LINGO2: variants seen among roughly 807,000 people sequenced by gnomAD.
The protein encoded by LINGO2 is leucine-rich repeat and immunoglobulin-like domain-containing nogo receptor-interacting protein 2.
A neutral mutation model predicts 30.6 loss-of-function variants in LINGO2; 14 were observed. The observed-to-expected ratio is 0.46, with a 90% CI of 0.30 to 0.72. The LOEUF (loss-of-function observed/expected upper bound fraction) is 0.72. Ranked by LOEUF, LINGO2 falls within the 30% of genes least tolerant of loss-of-function variation. LINGO2 has a pLI of 0.07. For synonymous variants in LINGO2, 317 were observed against 288.5 expected (o/e 1.10, Z -1.00); for missense variants, 729 against 751.7 (o/e 0.97, Z 0.35).
At chr9:28,283,419 T>C (rs1036080854) in intron 4 of LINGO2, among the ~76,000 whole-genome samples, 2 of 152,138 alleles carry the variant, frequency 1.3e-5, no homozygotes, top group Non-Finnish European at 2.9e-5. Context: ...GGATTTTAAG[T>C]CCTAAGCTGC....
chr9:28,804,564 CA>C, the LINGO2 span, among the ~76,000 whole-genome samples: 1,039 of 127,834 alleles, frequency 8.1e-3, 14 homozygotes, highest in African/African-American at 0.025. Flanking sequence ...AAAACAAAAA[CA>C]AAAAAAAAAC....
At chr9:27,982,076 A>T (rs1820907591) in intron 5 of LINGO2, among the ~76,000 whole-genome samples, 1 of 151,862 alleles carries the variant, frequency 6.6e-6, no homozygotes, top group Non-Finnish European at 1.5e-5. Flanking sequence ...ATGAAATTTT[A>T]AATTACAGCC....
the LINGO2 span, among the ~76,000 whole-genome samples, chr9:29,180,195 A>G: frequency 4.6e-5 from 7 of 152,194 alleles, no homozygotes; most frequent in Non-Finnish European, 5.9e-5. Context: ...GACAATGGAG[A>G]GCAACAAGAA....
At chr9:28,264,725 T>G (rs909950954) in intron 4 of LINGO2, among the ~76,000 whole-genome samples, 7 of 151,960 alleles carry the variant, frequency 4.6e-5, no homozygotes, top group African/African-American at 1.7e-4. Context: ...CAGCTCTTCA[T>G]CTATAAAATG....
chr9:28,053,159 C>T (rs1341536808), intron 4 of LINGO2, among the ~76,000 whole-genome samples: 2 of 151,956 alleles, frequency 1.3e-5, no homozygotes, highest in African/African-American at 4.8e-5. Flanking sequence ...GACTTGGATT[C>T]AAGGAAATAT....
At chr9:28,127,603 T>C (rs1287605361) in intron 4 of LINGO2, among the ~76,000 whole-genome samples, 1 of 152,208 alleles carries the variant, frequency 6.6e-6, no homozygotes, top group Non-Finnish European at 1.5e-5. Context: ...ACAAGGAACC[T>C]ATGAATAGGG....
chr9:28,202,522 C>G (rs1236995831), intron 4 of LINGO2, among the ~76,000 whole-genome samples: 1 of 152,106 alleles, frequency 6.6e-6, no homozygotes. Context: ...GGTGACAATT[C>G]TTTCCTGGAG....
chr9:28,221,807 T>C (rs1035548306), intron 4 of LINGO2, among the ~76,000 whole-genome samples: 1 of 152,218 alleles, frequency 6.6e-6, no homozygotes, highest in Non-Finnish European at 1.5e-5. Context: ...TTCACTGATA[T>C]ACCAAGTTAT....
At chr9:29,055,934 G>GTATATATATATATATATATATACATATA in the LINGO2 span, among the ~76,000 whole-genome samples, 1 of 67,178 alleles carries the variant, frequency 1.5e-5, no homozygotes, top group Non-Finnish European at 3.5e-5. Flanking sequence ...ATGTGTATGT[G>GTATATATATATATATATATATACATATA]TGTGTGTATA....
rs1825777295 is a variant in LINGO2, at chr9:28,081,649, A to G, written c.-86-69244T>C. Among the ~76,000 whole-genome samples the G allele has an allele frequency of 2.6e-5, 4 of 152,228 alleles. No individual in the cohort carries two copies. In the South Asian group the frequency reaches 8.3e-4, roughly 31 times the overall value. On this transcript the variant is annotated intron_variant, in intron 4 of 5. Coordinates refer to ENST00000379992, the Ensembl canonical transcript of LINGO2. The stretch of plus-strand genomic sequence containing the variant: ...TCTGTTTTAAAATCTCAGCTCTGCT[A>G]CTTACCCGCTGTATGACCTTGGATG...
intron 4 of LINGO2, among the ~76,000 whole-genome samples, chr9:28,286,727 C>T (rs1377202415): frequency 6.6e-6 from 1 of 152,130 alleles, no homozygotes; most frequent in African/African-American, 2.4e-5. Context: ...CCAAACACCT[C>T]ATGTTCTCAC....
intron 4 of LINGO2, among the ~76,000 whole-genome samples, chr9:28,270,007 G>A (rs1822884917): frequency 6.6e-6 from 1 of 152,094 alleles, no homozygotes; most frequent in Non-Finnish European, 1.5e-5. Context: ...ATAAAATCCA[G>A]GCAGGAAAGC....
At chr9:28,502,009 A>C (rs1024448389) in intron 1 of LINGO2, among the ~76,000 whole-genome samples, 1 of 151,924 alleles carries the variant, frequency 6.6e-6, no homozygotes, top group African/African-American at 2.4e-5. Flanking sequence ...AGAAAAAGAA[A>C]AGAAAGGAAG....
the LINGO2 span, among the ~76,000 whole-genome samples, chr9:28,682,999 T>C: frequency 6.6e-6 from 1 of 152,080 alleles, no homozygotes; most frequent in South Asian, 2.1e-4. Flanking sequence ...ATTCCCACTT[T>C]CCCTGTCCTT....
At chr9:28,981,082 C>T in the LINGO2 span, among the ~76,000 whole-genome samples, 1 of 152,108 alleles carries the variant, frequency 6.6e-6, no homozygotes, top group East Asian at 1.9e-4. Context: ...TGCTTTTCTT[C>T]AAGCAAATGA....
chr9:28,118,740 C>T lies in LINGO2; in HGVS notation c.-86-106335G>A, dbSNP rs961079034. Among the ~76,000 whole-genome samples, 11 of 152,158 alleles carry T rather than the reference C, an allele frequency of 7.2e-5. No individual in the cohort carries two copies. The East Asian group carries it at 2.1e-3, about 29-fold the overall frequency. On this transcript the variant is annotated intron_variant, in intron 4 of 5. Transcript: ENST00000379992. ...GCTTCATAAGTGCTAATTATTTGTG[C>T]TGTTTTGGAGATTTGCTAATACATA...
the LINGO2 span, among the ~76,000 whole-genome samples, chr9:29,078,636 A>C: frequency 6.6e-6 from 1 of 151,966 alleles, no homozygotes; most frequent in South Asian, 2.1e-4. Flanking sequence ...TCATTCATAT[A>C]CATTCGGATA....
At chr9:28,336,614 T>C (rs1825598551) in intron 3 of LINGO2, among the ~76,000 whole-genome samples, 1 of 152,186 alleles carries the variant, frequency 6.6e-6, no homozygotes, top group Non-Finnish European at 1.5e-5. Context: ...TCAAACTTCA[T>C]TCTTTGGTCT....
chr9:28,344,718 A>G lies in LINGO2; in HGVS notation c.-246+28118T>C, dbSNP rs188898352. Reference sequence around the variant, plus strand: ...TAGTAAAAAATATCCACTCTCAAAAAGAAAAATATTTGTTTGAACACAGAT... The same window carrying G: ...TAGTAAAAAATATCCACTCTCAAAAGGAAAAATATTTGTTTGAACACAGAT... On this transcript the variant is annotated intron_variant, in intron 3 of 5. Transcript: ENST00000379992. Among the ~76,000 whole-genome samples the G allele has an allele frequency of 6.5e-4, 97 of 149,266 alleles. 1 individual carries two copies. Among genetic ancestry groups the G allele is most frequent in the African/African-American group, 2.1e-3 (89 of 41,472 alleles).
Sources: gnomAD v4.1 joint callset for allele counts (sites outside exome capture counted in the v4.1 genomes callset) on GRCh38, gnomAD v4.1.1 for gene constraint, MANE v1.5 for transcripts, NCBI Gene and HGNC (gene_info 2026-07-23, HGNC 2026-07-21) for gene names.